The following NTM variants were observed in gnomAD, a reference collection of about 807,000 sequenced individuals.
NTM encodes the protein neurotrimin.
Under a neutral mutation model 42.1 loss-of-function variants are expected in NTM, and 13 were observed. The ratio of observed to expected loss-of-function variants is 0.31; its 90% confidence interval spans 0.20 to 0.49. NTM has a LOEUF of 0.49. Among genes scored for constraint, NTM ranks in the 20% least tolerant of loss-of-function variants. The pLI, the probability that NTM is intolerant of heterozygous loss-of-function variation, is 0.99. For synonymous variants in NTM, 187 were observed against 179.2 expected (o/e 1.04, Z -0.35); for missense variants, 373 against 452.8 (o/e 0.82, Z 1.60).
At chr11:132,138,909 C>CAGCT (rs2068526820) in intron 2 of NTM, among the ~76,000 whole-genome samples, 1 of 152,174 alleles carries the variant, frequency 6.6e-6, no homozygotes, top group South Asian at 2.1e-4. Context: ...AACGTGCTAC[C>CAGCT]AGCTGTCTGG....
intron 2 of NTM, among the ~76,000 whole-genome samples, chr11:132,130,843 G>T (rs2066687060): frequency 6.6e-6 from 1 of 152,178 alleles, no homozygotes; most frequent in Non-Finnish European, 1.5e-5. Flanking sequence ...CACGGCTGAG[G>T]CCGCATAGAC....
intron 1 of NTM, among the ~76,000 whole-genome samples, chr11:131,524,404 G>A (rs1032739735): frequency 1.3e-5 from 2 of 152,174 alleles, no homozygotes; most frequent in Admixed American, 1.3e-4. Flanking sequence ...TGTTAGTATA[G>A]CAAGGCACCA....
chr11:131,672,226 T>G lies in NTM; in HGVS notation c.83-239338T>G, dbSNP rs555498265. Among the ~76,000 whole-genome samples the G allele has an allele frequency of 6.6e-5, 10 of 152,260 alleles. No individual in the cohort carries two copies. In the South Asian group the frequency reaches 2.1e-3, roughly 32 times the overall value. On this transcript the variant is annotated intron_variant, in intron 1 of 8. Coordinates refer to ENST00000683400, the MANE Select transcript of NTM (RefSeq NM_001352005.2). ...AGAGCAGCAAGGGGACCCTTGAACA[T>G]TTCCCCTCTGGGGAGGCCTCAAAGC...
At chr11:131,994,617 T>G (rs532403225) in intron 2 of NTM, among the ~76,000 whole-genome samples, 1 of 152,170 alleles carries the variant, frequency 6.6e-6, no homozygotes, top group African/African-American at 2.4e-5. Flanking sequence ...TATGCTCGTA[T>G]TTTTCAGGGT....
intron 1 of NTM, among the ~76,000 whole-genome samples, chr11:131,618,443 A>T (rs1009617501): frequency 6.6e-6 from 1 of 152,216 alleles, no homozygotes; most frequent in Admixed American, 6.5e-5. Context: ...GTTAGTCAGC[A>T]AATGTGCCAA....
intron 1 of NTM, among the ~76,000 whole-genome samples, chr11:131,791,517 C>A (rs1010648374): frequency 3.3e-5 from 5 of 152,156 alleles, no homozygotes; most frequent in African/African-American, 9.7e-5. Flanking sequence ...AACTACCACC[C>A]AGGTCAAGCA....
chr11:132,250,775 T>A (rs2091856654), intron 4 of NTM, among the ~76,000 whole-genome samples: 1 of 152,204 alleles, frequency 6.6e-6, no homozygotes, highest in African/African-American at 2.4e-5. Context: ...ATATTATTAG[T>A]CAAGTTTGTC....
chr11:132,096,315 C>T (rs1364698843), intron 2 of NTM, among the ~76,000 whole-genome samples: 1 of 152,124 alleles, frequency 6.6e-6, no homozygotes, highest in Non-Finnish European at 1.5e-5. Context: ...GATTTATTTC[C>T]TAGTGCAACC....
chr11:131,606,460 C>G (rs1405472362), intron 1 of NTM, among the ~76,000 whole-genome samples: 1 of 152,096 alleles, frequency 6.6e-6, no homozygotes, highest in African/African-American at 2.4e-5. Flanking sequence ...TATTGATGTC[C>G]TAGGTAGATA....
chr11:131,628,546 C>T (rs1421260507), intron 1 of NTM, among the ~76,000 whole-genome samples: 1 of 152,122 alleles, frequency 6.6e-6, no homozygotes, highest in Admixed American at 6.5e-5. Context: ...AACTAACTGC[C>T]CTTCAACTTT....
intron 1 of NTM, among the ~76,000 whole-genome samples, chr11:131,485,212 T>A (rs1405901349): frequency 6.6e-6 from 1 of 152,212 alleles, no homozygotes. Context: ...AAGAGGCACG[T>A]ACCTTCCCTA....
At chr11:131,852,011 G>T (rs2045608510) in intron 1 of NTM, among the ~76,000 whole-genome samples, 1 of 152,136 alleles carries the variant, frequency 6.6e-6, no homozygotes, top group Non-Finnish European at 1.5e-5. Context: ...AGGATGAGCT[G>T]GCTTCATTTC....
chr11:131,925,969 A>G (rs2057897281), intron 2 of NTM, among the ~76,000 whole-genome samples: 1 of 152,258 alleles, frequency 6.6e-6, no homozygotes, highest in Admixed American at 6.5e-5. Flanking sequence ...TCCTTGGAGA[A>G]TAGATGCATG....
chr11:132,029,646 C>A (rs555902194), intron 2 of NTM, among the ~76,000 whole-genome samples: 2 of 152,110 alleles, frequency 1.3e-5, no homozygotes, highest in African/African-American at 4.8e-5. Flanking sequence ...CCACATAGTC[C>A]ATCAGTCAAA....
intron 3 of NTM, among the ~76,000 whole-genome samples, chr11:132,181,327 T>C (rs2077547064): frequency 6.6e-6 from 1 of 152,218 alleles, no homozygotes; most frequent in African/African-American, 2.4e-5. Context: ...TACTCCATCA[T>C]GGCATCAGCA....
intron 4 of NTM, among the ~76,000 whole-genome samples, chr11:132,268,161 T>C (rs1331013304): frequency 1.3e-5 from 2 of 152,222 alleles, no homozygotes; most frequent in Admixed American, 6.5e-5. Context: ...GCAAGAGTTA[T>C]GTAAAACTTT....
intron 1 of NTM, among the ~76,000 whole-genome samples, chr11:131,841,779 G>T (rs1039394724): frequency 2.6e-5 from 4 of 152,162 alleles, no homozygotes; most frequent in Admixed American, 6.5e-5. Context: ...GGTGACTGGG[G>T]TCAGCGTGGG....
intron 1 of NTM, among the ~76,000 whole-genome samples, chr11:131,615,556 G>T (rs999360248): frequency 6.6e-6 from 1 of 152,112 alleles, no homozygotes; most frequent in Admixed American, 6.5e-5. Flanking sequence ...TTATTGGAGA[G>T]ATGGGATTTG....
At chr11:131,938,722 G>A (rs968409815) in intron 2 of NTM, among the ~76,000 whole-genome samples, 3 of 152,194 alleles carry the variant, frequency 2.0e-5, no homozygotes, top group Non-Finnish European at 4.4e-5. Context: ...TGGTGGTGGT[G>A]TGGAAGGAGG....
Sources: gnomAD v4.1 joint callset for allele counts (sites outside exome capture counted in the v4.1 genomes callset) on GRCh38, gnomAD v4.1.1 for gene constraint, MANE v1.5 for transcripts, NCBI Gene and HGNC (gene_info 2026-07-23, HGNC 2026-07-21) for gene names.